PCDH9: variants seen among roughly 807,000 people sequenced by gnomAD.
PCDH9 encodes protocadherin 9.
Under a neutral mutation model 70.6 loss-of-function variants are expected in PCDH9, and 24 were observed. The ratio of observed to expected loss-of-function variants is 0.34; its 90% CI spans 0.25 to 0.48. PCDH9 has a LOEUF of 0.48. PCDH9 is among the 20% of genes least tolerant of loss of function. The pLI is 0.99. For missense variants in PCDH9, 1,281 were observed against 1,503.6 expected, an observed-to-expected ratio of 0.85 and a Z score of 2.45; for synonymous variants, 562 against 558.5, an observed-to-expected ratio of 1.01 and a Z score of -0.09.
intron 2 of PCDH9, among the ~76,000 whole-genome samples, chr13:67,078,203 C>T (rs1186781177): frequency 6.6e-6 from 1 of 152,132 alleles, no homozygotes; most frequent in Non-Finnish European, 1.5e-5. Context: ...TGGGCTTCTT[C>T]CCACCAAAGG....
intron 4 of PCDH9, among the ~76,000 whole-genome samples, chr13:66,554,104 A>G (rs1593666204): frequency 6.6e-6 from 1 of 152,172 alleles, no homozygotes; most frequent in African/African-American, 2.4e-5. Flanking sequence ...AGAAAACTAT[A>G]TTGTTTATAA....
At chr13:66,471,894 C>T (rs1000618366) in intron 4 of PCDH9, among the ~76,000 whole-genome samples, 2 of 152,078 alleles carry the variant, frequency 1.3e-5, no homozygotes, top group African/African-American at 2.4e-5. Flanking sequence ...TACATTTGTT[C>T]ATGTAACATT....
At chr13:66,682,259 G>A (rs1053102675) in intron 3 of PCDH9, among the ~76,000 whole-genome samples, 1 of 151,750 alleles carries the variant, frequency 6.6e-6, no homozygotes, top group Non-Finnish European at 1.5e-5. Context: ...AGGGCCCATC[G>A]CCATTATAAC....
chr13:66,316,024 G>T (rs565652948), intron 4 of PCDH9, among the ~76,000 whole-genome samples: 7 of 152,294 alleles, frequency 4.6e-5, no homozygotes, highest in African/African-American at 1.2e-4. Flanking sequence ...TCTGAGGAAA[G>T]AATTCATTTC....
At chr13:67,164,633 G>T (rs1263641362) in intron 2 of PCDH9, among the ~76,000 whole-genome samples, 1 of 151,798 alleles carries the variant, frequency 6.6e-6, no homozygotes, top group Non-Finnish European at 1.5e-5. Flanking sequence ...CCAGCCTTGT[G>T]ATGTGCTGTT....
chr13:66,464,628 G>A (rs1227264594), intron 4 of PCDH9, among the ~76,000 whole-genome samples: 1 of 151,950 alleles, frequency 6.6e-6, no homozygotes, highest in African/African-American at 2.4e-5. Flanking sequence ...GAACTGTGAA[G>A]TAATAGAAGT....
At chr13:66,692,032 A>G (rs1178861763) in intron 3 of PCDH9, among the ~76,000 whole-genome samples, 2 of 152,184 alleles carry the variant, frequency 1.3e-5, no homozygotes, top group Non-Finnish European at 1.5e-5. Context: ...GTGCTTCTGT[A>G]TCCTATTTAC....
intron 4 of PCDH9, among the ~76,000 whole-genome samples, chr13:66,381,896 A>G (rs898613790): frequency 2.0e-5 from 3 of 152,152 alleles, no homozygotes; most frequent in Admixed American, 1.3e-4. Flanking sequence ...CTAAATGGCT[A>G]TAATTAAATC....
intron 2 of PCDH9, among the ~76,000 whole-genome samples, chr13:67,156,894 A>G (rs1435306983): frequency 1.3e-5 from 2 of 152,164 alleles, no homozygotes; most frequent in African/African-American, 4.8e-5. Context: ...CTGGAGAGCC[A>G]CACCCACATC....
intron 3 of PCDH9, among the ~76,000 whole-genome samples, chr13:66,819,315 TTG>T (rs2080666919): frequency 9.3e-6 from 1 of 107,358 alleles, no homozygotes; most frequent in Non-Finnish European, 2.1e-5. Context: ...CCCAAAGTAA[TTG>T]ATGAGGAGAA....
intron 3 of PCDH9, among the ~76,000 whole-genome samples, chr13:66,900,476 G>T (rs1344074669): frequency 2.0e-5 from 3 of 151,824 alleles, no homozygotes; most frequent in Non-Finnish European, 4.4e-5. Flanking sequence ...TAAAATTGTA[G>T]CATGTTTATA....
At chr13:67,088,539 C>T (rs547541579) in intron 2 of PCDH9, among the ~76,000 whole-genome samples, 41 of 152,022 alleles carry the variant, frequency 2.7e-4, no homozygotes, top group African/African-American at 9.6e-4. Context: ...AGTGAAGTAT[C>T]TCATCTAATA....
At chr13:66,949,792 G>A (rs948745442) in intron 2 of PCDH9, among the ~76,000 whole-genome samples, 1 of 152,040 alleles carries the variant, frequency 6.6e-6, no homozygotes, top group African/African-American at 2.4e-5. Context: ...GCAGGAGAGA[G>A]AAGACCCTGA....
chr13:66,906,675 C>T (rs2139606467), intron 2 of PCDH9, among the ~76,000 whole-genome samples: 1 of 152,214 alleles, frequency 6.6e-6, no homozygotes, highest in South Asian at 2.1e-4. Context: ...ACTGTTCTTT[C>T]CTTACTTTTT....
Position 66,351,556 on chromosome 13 carries a change from T to C in PCDH9, c.3341-46528A>G, listed in dbSNP as rs117884252. On this transcript the variant is annotated intron_variant, in intron 4 of 4. Transcript: ENST00000377865. The stretch of plus-strand genomic sequence containing the variant: ...AAAAATGGGAATAGCCTTTTAAATC[T>C]TCAAATATTTTTGAGTGACTATTTT... Among the ~76,000 whole-genome samples the C allele has an allele frequency of 6.8e-4, 104 of 152,316 alleles. 3 individuals carry two copies. The East Asian group carries it at 0.012, about 17-fold the overall frequency.
chr13:67,162,538 A>G (rs1290613006), intron 2 of PCDH9, among the ~76,000 whole-genome samples: 1 of 152,198 alleles, frequency 6.6e-6, no homozygotes, highest in Non-Finnish European at 1.5e-5. Context: ...AGCCTTTCCT[A>G]TCTGATCACC....
At chr13:66,916,647 T>C (rs1264534695) in intron 2 of PCDH9, among the ~76,000 whole-genome samples, 1 of 151,554 alleles carries the variant, frequency 6.6e-6, no homozygotes, top group African/African-American at 2.4e-5. Context: ...TCATATAACT[T>C]GGATCCCGTT....
intron 3 of PCDH9, among the ~76,000 whole-genome samples, chr13:66,817,576 A>G (rs1446996898): frequency 6.6e-6 from 1 of 152,130 alleles, no homozygotes; most frequent in Non-Finnish European, 1.5e-5. Context: ...AAATCACCTT[A>G]GTAATTTCAT....
chr13:66,374,736 C>T (rs375657246), intron 4 of PCDH9, among the ~76,000 whole-genome samples: 1 of 151,928 alleles, frequency 6.6e-6, no homozygotes, highest in South Asian at 2.1e-4. Flanking sequence ...TCAGAAAGAT[C>T]GCAGCTCAGG....
Sources: allele counts gnomAD v4.1 joint callset (sites outside exome capture counted in the v4.1 genomes callset), GRCh38; gene constraint gnomAD v4.1.1; transcripts MANE v1.5; gene names NCBI Gene and HGNC (gene_info 2026-07-23, HGNC 2026-07-21).